ANKRD35: variants seen among roughly 807,000 people sequenced by gnomAD.
ANKRD35 encodes ankyrin repeat domain 35.
In ANKRD35, 102 loss-of-function variants were observed where a neutral mutation model predicts 109.9. That is an observed-to-expected ratio of 0.93 (90% CI 0.79 to 1.09). The LOEUF (loss-of-function observed/expected upper bound fraction) is 1.09. ANKRD35 is among the 50% of genes least tolerant of loss of function. ANKRD35 has a pLI of 0.00. For missense variants in ANKRD35, 1,240 were observed against 1,230.1 expected (o/e 1.01, Z -0.12); for synonymous variants, 515 against 512.4 (o/e 1.01, Z -0.07).
At chr1:145,874,768 C>T in intron 8 of ANKRD35, 54 bp downstream of exon 8, 1 of 1,491,826 alleles carries the variant, frequency 6.7e-7, no homozygotes, top group Non-Finnish European at 8.9e-7. Context: ...AAATGGGACT[C>T]TAAGAAACTT....
Position 145,879,329 on chromosome 1 carries a change from C to A in ANKRD35, c.99G>T (p.Val33=). ...KLLEAVHRGD[V]GRVAALASRK... ...TGGAGGCCAGGGCAGCCACGCGTCC[C>A]ACATCCCCCCTGTGCACTGCCTCCA... Residue 33 remains valine, a synonymous_variant, in exon 2 of 14, where the codon GTG becomes GTT. Transcript: ENST00000355594. 1 of 1,610,666 alleles carries A rather than the reference C, an allele frequency of 6.2e-7. No homozygotes were observed. The highest frequency in any genetic ancestry group is 1.1e-5 in the South Asian group (1 of 90,420).
rs192903904 is a variant in ANKRD35 at position 145,882,103 on chromosome 1, C to T, written c.40-2715G>A. 1.7e-3 allele frequency among the ~76,000 whole-genome samples: 253 copies of T among 150,650 alleles called. 1 individual carries two copies. The highest frequency in any genetic ancestry group is 5.8e-3 in the African/African-American group (240 of 41,032). On this transcript the variant is annotated intron_variant, in intron 1 of 13. Transcript: ENST00000355594. The stretch of plus-strand genomic sequence containing the variant: ...CCGAGTAGCTGGGACTACAGGCGCC[C>T]GCCACCACACCCGGATAATTTTTTG...
chr1:145,880,206 G>A (rs1350061899), intron 1 of ANKRD35, among the ~76,000 whole-genome samples: 2 of 152,056 alleles, frequency 1.3e-5, no homozygotes. Context: ...TGGGTGGTAG[G>A]GTAATTATAA....
intron 1 of ANKRD35, among the ~76,000 whole-genome samples, chr1:145,881,057 G>A (rs1211476693): frequency 6.6e-6 from 1 of 152,212 alleles, no homozygotes; most frequent in East Asian, 1.9e-4. Flanking sequence ...AGGCCAAGAC[G>A]GGTGGATCAC....
chr1:145,885,809 A>G lies in ANKRD35; in HGVS notation c.-51T>C. 5 of 1,439,656 alleles carry G rather than the reference A, an allele frequency of 3.5e-6. No homozygotes were observed. The highest frequency in any genetic ancestry group is 3.9e-6 in the Non-Finnish European group (4 of 1,022,858). 89.2% of individuals were successfully genotyped at this position (1,439,656 alleles called of 1,614,324 possible). On this transcript the variant is annotated 5_prime_UTR_variant, in exon 1 of 14. Transcript: ENST00000355594. ...GGGGACGCGCAGAGAGCCGGGCCAC[A>G]GGTTCCCGAACCCACCGGACTTGGC...
chr1:145,866,951 T>C (rs1653628310), intron 13 of ANKRD35, among the ~76,000 whole-genome samples, 186 bp from the exon 14 acceptor site: 1 of 152,108 alleles, frequency 6.6e-6, no homozygotes, highest in African/African-American at 2.4e-5. Flanking sequence ...GTGAAGAGAT[T>C]CTGGATTTTG....
intron 4 of ANKRD35, among the ~76,000 whole-genome samples, chr1:145,877,621 A>G (rs1654131294): frequency 6.6e-6 from 1 of 152,192 alleles, no homozygotes; most frequent in Admixed American, 6.5e-5. Context: ...ACTAGACTAT[A>G]AACTCTTCAG....
intron 7 of ANKRD35, among the ~76,000 whole-genome samples, chr1:145,875,568 C>T (rs1043990039): frequency 2.0e-5 from 3 of 150,906 alleles, no homozygotes; most frequent in African/African-American, 2.4e-5. Context: ...TTTTTTGAGA[C>T]GGAGTCTCGC....
chr1:145,868,113 G>A, intron 11 of ANKRD35, 57 bp from the exon 12 acceptor site: 8 of 1,579,416 alleles, frequency 5.1e-6, no homozygotes, highest in South Asian at 1.1e-5. Context: ...CCAAGCATGA[G>A]GAGCAACACA....
rs782639527 is a variant in ANKRD35 at position 145,873,153 on chromosome 1, G to C, written c.1616C>G (p.Ala539Gly). Residue 539 changes from alanine to glycine, a missense_variant, in exon 10 of 14, where the codon GCC becomes GGC. Coordinates refer to ENST00000355594, the MANE Select transcript of ANKRD35 (RefSeq NM_144698.5). ...CCTTGCCAGCACCCGCTCCAGTCGG[G>C]CTTCCATCTTCTCCCAGGCAGCTGC... is the stretch of plus-strand genomic sequence containing the variant. ...AAAAAWEKME[A>G]RLERVLARLE... is the part of the protein sequence containing the mutation. The C allele has an allele frequency of 1.9e-6, 3 of 1,614,068 alleles. No homozygotes were observed. The highest frequency in any genetic ancestry group is 2.5e-6 in the Non-Finnish European group (3 of 1,180,012).
rs587609522 is a variant in ANKRD35, at chr1:145,867,623, G to A, written c.2944-231C>T. On this transcript the variant is annotated intron_variant, in intron 12 of 13. Transcript: ENST00000355594. ...CCATGAATATGAAGCAAAGCACCAG[G>A]TACACAATAGGTGTTCATTCCATTC... Among the ~76,000 whole-genome samples, 14 of 152,230 alleles carry A rather than the reference G, an allele frequency of 9.2e-5. No individual in the cohort carries two copies. The East Asian group carries it at 2.7e-3, about 29-fold the overall frequency.
intron 1 of ANKRD35, among the ~76,000 whole-genome samples, chr1:145,881,709 A>T (rs192809932): frequency 5.3e-4 from 81 of 152,240 alleles, no homozygotes; most frequent in African/African-American, 1.9e-3. Flanking sequence ...GGCATGTAAC[A>T]ACATCTCTGA....
At position 145,872,161 on chromosome 1, in the gene ANKRD35, G is replaced by A. The variant is rs587686513; in HGVS notation, c.2608C>T (p.Leu870=). 6.2e-7 allele frequency: 1 copy of A among 1,609,402 alleles called. No individual in the cohort carries two copies. Among genetic ancestry groups the A allele is most frequent in the South Asian group, 1.1e-5 (1 of 90,720 alleles). Residue 870 remains leucine (L), a synonymous_variant, in exon 10 of 14, where the codon CTG becomes TTG. Coordinates refer to ENST00000355594, the MANE Select transcript of ANKRD35 (RefSeq NM_144698.5). ...CGCTCCTCGGCCACCGCCTCCCGCA[G>A]CCGACCCACTTCCCGGCAGGCCGTA... ...YNTACREVGR[L]REAVAEERRR...
At chr1:145,867,472 A>G (rs1653650172) in intron 12 of ANKRD35, 80 bp from the exon 13 acceptor site, 1 of 1,230,886 alleles carries the variant, frequency 8.1e-7, no homozygotes, top group South Asian at 1.2e-5. Context: ...GTTCTGTGGT[A>G]CAGTGGAAGG....
At chr1:145,870,020 A>G (rs782284103) in intron 10 of ANKRD35, among the ~76,000 whole-genome samples, 6 of 152,084 alleles carry the variant, frequency 3.9e-5, no homozygotes, top group Non-Finnish European at 8.8e-5. Context: ...TAGCAGTAAT[A>G]GGAATAGTGG....
In ANKRD35 at chr1:145,871,620, C is replaced by T. The variant is rs587604176; in HGVS notation, c.2787+362G>A. ...CCTCCTCAGAACTTCAGTAAAACCACAGCAACCCATCATGCTATTAGGCCT... is the reference window on the plus strand; with the variant it reads ...CCTCCTCAGAACTTCAGTAAAACCATAGCAACCCATCATGCTATTAGGCCT... On this transcript the variant is annotated intron_variant, in intron 10 of 13. Transcript: ENST00000355594. Among the ~76,000 whole-genome samples, 3 of 152,304 alleles carry T rather than the reference C, an allele frequency of 2.0e-5. No individual in the cohort carries two copies. The South Asian group carries it at 6.2e-4, about 32-fold the overall frequency.
intron 3 of ANKRD35, 146 bp from the exon 4 acceptor site, chr1:145,878,178 C>A: frequency 1.1e-6 from 1 of 936,102 alleles, no homozygotes; most frequent in Non-Finnish European, 1.7e-6. Context: ...TCCTGTTCCC[C>A]AAGTGCCTGG....
chr1:145,876,828 A>G lies in ANKRD35; in HGVS notation c.370T>C (p.Leu124=). 1 of 1,614,024 alleles carries G rather than the reference A, an allele frequency of 6.2e-7. No homozygotes were observed. The highest frequency in any genetic ancestry group is 8.5e-7 in the Non-Finnish European group (1 of 1,180,010). Residue 124 remains leucine (L), a synonymous_variant, in exon 5 of 14, where the codon TTG becomes CTG. Coordinates refer to ENST00000355594, the MANE Select transcript of ANKRD35 (RefSeq NM_144698.5). The stretch of plus-strand genomic sequence containing the variant: ...CCCCTGCACACACCTGCCCAGTGCA[A>G]TGGACTACGGTTTTCTGCATCCACA... ...DAVDAENRSP[L]HWAASSGCAS...
At position 145,879,352 on chromosome 1, in the gene ANKRD35, C is replaced by T. The variant is rs782296583; in HGVS notation, c.76G>A (p.Glu26Lys). 2.5e-6 allele frequency: 4 copies of T among 1,601,208 alleles called. No homozygotes were observed. The Admixed American group carries it at 5.2e-5, about 21-fold the overall frequency. ...RWNRHDQKLL[E>K]AVHRGDVGRV... Reference sequence around the variant, plus strand: ...CCCACATCCCCCCTGTGCACTGCCTCCAGCAGCTTCTGATCATGGCGGTTC... The same window carrying T: ...CCCACATCCCCCCTGTGCACTGCCTTCAGCAGCTTCTGATCATGGCGGTTC... Residue 26 changes from glutamate to lysine, a missense_variant, in exon 2 of 14, where the codon GAG (glutamate) becomes AAG (lysine). Physicochemically the swap from Glu to Lys is moderately conservative, Grantham distance 56 (BLOSUM62 1). Coordinates refer to ENST00000355594, the MANE Select transcript of ANKRD35 (RefSeq NM_144698.5).
Sources: allele counts gnomAD v4.1 joint callset (sites outside exome capture counted in the v4.1 genomes callset), GRCh38; gene constraint gnomAD v4.1.1; transcripts MANE v1.5; gene names NCBI Gene and HGNC (gene_info 2026-07-23, HGNC 2026-07-21).